The following STOX2 variants were observed in gnomAD, a reference collection of about 807,000 sequenced individuals.
STOX2 encodes storkhead box 2, also known as storkhead-box protein 2.
STOX2 carries 28 observed loss-of-function variants against 60.9 expected under a neutral mutation model. The ratio of observed to expected loss-of-function variants is 0.46; its 90% CI spans 0.34 to 0.63. STOX2 has a LOEUF of 0.63. STOX2 is among the 30% of genes least tolerant of loss of function. The pLI, the probability that STOX2 is intolerant of heterozygous loss-of-function variation, is 0.01. For synonymous variants in STOX2, 472 were observed against 463.9 expected, an observed-to-expected ratio of 1.02 and a Z score of -0.22; for missense variants, 1,024 against 1,187.7, an observed-to-expected ratio of 0.86 and a Z score of 2.03.
At chr4:183,908,107 C>T (rs1165578787) in intron 1 of STOX2, among the ~76,000 whole-genome samples, 4 of 152,222 alleles carry the variant, frequency 2.6e-5, no homozygotes, top group Non-Finnish European at 5.9e-5. Flanking sequence ...TGCCTTGCGA[C>T]CGCATTTCCA....
intron 1 of STOX2, among the ~76,000 whole-genome samples, chr4:183,867,284 C>T (rs951358331): frequency 6.6e-6 from 1 of 152,164 alleles, no homozygotes; most frequent in Non-Finnish European, 1.5e-5. Flanking sequence ...TTTGAAACTC[C>T]CAGATTACCT....
At chr4:183,881,712 T>C (rs1740964262) in intron 1 of STOX2, among the ~76,000 whole-genome samples, 1 of 152,150 alleles carries the variant, frequency 6.6e-6, no homozygotes, top group Non-Finnish European at 1.5e-5. Context: ...GAAAGAGTAA[T>C]TTTTCTATGT....
chr4:184,004,579 G>A (rs994915696), intron 2 of STOX2, among the ~76,000 whole-genome samples: 27 of 151,262 alleles, frequency 1.8e-4, no homozygotes, highest in South Asian at 4.3e-4. Context: ...CAGCCTGGGC[G>A]ACAGAGCGAG....
chr4:183,873,683 A>G (rs1295607516), intron 1 of STOX2, among the ~76,000 whole-genome samples: 1 of 152,214 alleles, frequency 6.6e-6, no homozygotes, highest in Non-Finnish European at 1.5e-5. Context: ...AAGTGAGACA[A>G]TGCACATGAA....
chr4:184,000,558 A>G (rs1733542452), intron 1 of STOX2, among the ~76,000 whole-genome samples: 1 of 152,154 alleles, frequency 6.6e-6, no homozygotes, highest in Non-Finnish European at 1.5e-5. Context: ...CTCTTTATTC[A>G]TGGTCGTCCC....
At chr4:183,841,177 T>C (rs1005714552) in intron 1 of STOX2, among the ~76,000 whole-genome samples, 5 of 141,934 alleles carry the variant, frequency 3.5e-5, no homozygotes, top group Non-Finnish European at 7.7e-5. Flanking sequence ...GTTTTCATCG[T>C]AGTATTTATT....
At chr4:183,810,518 A>G (rs1195582983) in intron 1 of STOX2, among the ~76,000 whole-genome samples, 1 of 152,090 alleles carries the variant, frequency 6.6e-6, no homozygotes, top group African/African-American at 2.4e-5. Flanking sequence ...GAAAATTACT[A>G]CCAAGAAACA....
At chr4:183,830,802 G>C (rs1242330131) in intron 1 of STOX2, among the ~76,000 whole-genome samples, 1 of 151,918 alleles carries the variant, frequency 6.6e-6, no homozygotes, top group Non-Finnish European at 1.5e-5. Flanking sequence ...ACTTGTTCCG[G>C]TTTCAGGGTC....
At chr4:183,851,352 AGAAAGGATGAGG>A (rs1740129590) in intron 1 of STOX2, among the ~76,000 whole-genome samples, 1 of 31,754 alleles carries the variant, frequency 3.1e-5, no homozygotes, top group Non-Finnish European at 7.0e-5. Context: ...AAAGGATGAG[AGAAAGGATGAGG>A]GAAAGGATGA....
intron 1 of STOX2, among the ~76,000 whole-genome samples, chr4:183,939,675 T>C (rs74573584): frequency 6.6e-6 from 1 of 151,998 alleles, no homozygotes; most frequent in Admixed American, 6.6e-5. Context: ...AGAGAGGGAC[T>C]GTGGTAAAAT....
At chr4:183,938,155 CA>C (rs1742640204) in intron 1 of STOX2, among the ~76,000 whole-genome samples, 1 of 152,052 alleles carries the variant, frequency 6.6e-6, no homozygotes, top group Non-Finnish European at 1.5e-5. Flanking sequence ...TCTCAAGAAA[CA>C]AAACAAAACA....
At chr4:183,930,099 C>T (rs1002949746) in intron 1 of STOX2, among the ~76,000 whole-genome samples, 18 of 151,314 alleles carry the variant, frequency 1.2e-4, no homozygotes, top group Non-Finnish European at 1.8e-4. Context: ...CTCCTGACCT[C>T]GTGATCCACC....
At chr4:184,012,277 A>G (rs1000399204) in intron 3 of STOX2, among the ~76,000 whole-genome samples, 16 of 152,184 alleles carry the variant, frequency 1.1e-4, no homozygotes, top group African/African-American at 3.9e-4. Context: ...AAAGAGCAAC[A>G]TGGGACCTAA....
At chr4:183,992,159 A>T (rs1235727528) in intron 1 of STOX2, among the ~76,000 whole-genome samples, 1 of 152,152 alleles carries the variant, frequency 6.6e-6, no homozygotes, top group Non-Finnish European at 1.5e-5. Context: ...GTTCGGTTTT[A>T]GGGGGGTTGG....
At chr4:183,966,662 G>A (rs1243729968) in intron 1 of STOX2, among the ~76,000 whole-genome samples, 1 of 152,190 alleles carries the variant, frequency 6.6e-6, no homozygotes, top group Non-Finnish European at 1.5e-5. Context: ...TCAACAAGGA[G>A]GCGTGCAATT....
chr4:183,962,024 C>T (rs1743428466), intron 1 of STOX2, among the ~76,000 whole-genome samples: 2 of 152,234 alleles, frequency 1.3e-5, no homozygotes, highest in African/African-American at 4.8e-5. Context: ...GTTGATGAGA[C>T]AGGCACTTTT....
chr4:183,972,665 C>A (rs529582832), intron 1 of STOX2, among the ~76,000 whole-genome samples: 1 of 151,934 alleles, frequency 6.6e-6, no homozygotes, highest in African/African-American at 2.4e-5. Context: ...ATGTTGATCA[C>A]GTGCTTAAAA....
intron 1 of STOX2, among the ~76,000 whole-genome samples, chr4:183,939,823 G>A (rs534610926): frequency 1.3e-5 from 2 of 152,282 alleles, no homozygotes; most frequent in South Asian, 2.1e-4. Flanking sequence ...TAATGGCGAA[G>A]TTATGTAAAG....
At chr4:183,979,236 G>A (rs919550836) in intron 1 of STOX2, among the ~76,000 whole-genome samples, 13 of 152,072 alleles carry the variant, frequency 8.5e-5, no homozygotes, top group Non-Finnish European at 1.0e-4. Context: ...CGGGGGGCGG[G>A]CTAGGTGCTA....
Sources: allele counts gnomAD v4.1 joint callset (sites outside exome capture counted in the v4.1 genomes callset), GRCh38; gene constraint gnomAD v4.1.1; transcripts MANE v1.5; gene names NCBI Gene and HGNC (gene_info 2026-07-23, HGNC 2026-07-21).